UBE4B: variants seen among roughly 807,000 people sequenced by gnomAD.
The protein encoded by UBE4B is ubiquitin conjugation factor E4 B.
In UBE4B, 27 loss-of-function variants were observed where a neutral mutation model predicts 148.1. The observed-to-expected ratio is 0.18, with a 90% CI of 0.13 to 0.25. The LOEUF (loss-of-function observed/expected upper bound fraction) is 0.25. UBE4B is among the 10% of genes least tolerant of loss of function. The pLI is 1.00. For missense variants in UBE4B, 1,170 were observed against 1,662.4 expected, an observed-to-expected ratio of 0.70 and a Z score of 5.15; for synonymous variants, 596 against 619.3, an observed-to-expected ratio of 0.96 and a Z score of 0.56.
chr1:10,038,097 A>G (rs1309008376), intron 1 of UBE4B, among the ~76,000 whole-genome samples: 4 of 151,904 alleles, frequency 2.6e-5, no homozygotes, highest in African/African-American at 4.8e-5. Flanking sequence ...CCTGTCCAAC[A>G]TGGAGAAACC....
chr1:10,081,918 T>C (rs1644689396), intron 2 of UBE4B, among the ~76,000 whole-genome samples: 1 of 152,184 alleles, frequency 6.6e-6, no homozygotes, highest in African/African-American at 2.4e-5. Context: ...TCTCACTATG[T>C]TACCCAGTTT....
At chr1:10,081,903 C>G (rs1644688505) in intron 2 of UBE4B, among the ~76,000 whole-genome samples, 1 of 152,152 alleles carries the variant, frequency 6.6e-6, no homozygotes, top group South Asian at 2.1e-4. Flanking sequence ...TTTGTGCAGA[C>G]AAGTTCTCAC....
At chr1:10,044,846 G>A (rs147093440) in intron 1 of UBE4B, among the ~76,000 whole-genome samples, 1 of 152,144 alleles carries the variant, frequency 6.6e-6, no homozygotes, top group African/African-American at 2.4e-5. Context: ...GCCTCTCAAA[G>A]TGCTGGGATT....
At position 10,132,486 on chromosome 1, in the gene UBE4B, G is replaced by A. The variant is rs372475006; in HGVS notation, c.2025+4G>A. On this transcript the variant is annotated splice_donor_region_variant and intron_variant, in intron 15 of 27. Transcript: ENST00000343090. ...TATGAAGAAAGCACAGATGCAGGTAGGATTCCTACAGACTGCTTTTCGCTG... is the reference window on the plus strand; with the variant it reads ...TATGAAGAAAGCACAGATGCAGGTAAGATTCCTACAGACTGCTTTTCGCTG... 1.2e-5 allele frequency: 20 copies of A among 1,612,374 alleles called. No homozygotes were observed. Among genetic ancestry groups the A allele is most frequent in the Middle Eastern group, 1.6e-4 (1 of 6,078 alleles).
At chr1:10,050,715 C>T (rs1188969476) in intron 1 of UBE4B, among the ~76,000 whole-genome samples, 1 of 151,150 alleles carries the variant, frequency 6.6e-6, no homozygotes, top group Non-Finnish European at 1.5e-5. Flanking sequence ...TTTCAGGACT[C>T]CTATTCTTTT....
chr1:10,172,693 AG>A (rs1353521620), intron 25 of UBE4B, among the ~76,000 whole-genome samples: 1 of 152,196 alleles, frequency 6.6e-6, no homozygotes, highest in Non-Finnish European at 1.5e-5. Context: ...GAAGCATTGT[AG>A]GTACTTTTTT....
At chr1:10,145,084 A>G (rs777585003) in intron 18 of UBE4B, 45 bp downstream of exon 18, 2 of 1,495,624 alleles carry the variant, frequency 1.3e-6, no homozygotes, top group Non-Finnish European at 1.8e-6. Flanking sequence ...CCTCATAGTG[A>G]TAATTTTCCC....
chr1:10,082,106 A>T (rs895447891), intron 2 of UBE4B, among the ~76,000 whole-genome samples: 2 of 152,046 alleles, frequency 1.3e-5, no homozygotes, highest in African/African-American at 4.8e-5. Context: ...GAATGCTCTA[A>T]ATTCACGTAG....
chr1:10,073,680 A>G (rs1270410784), intron 2 of UBE4B, among the ~76,000 whole-genome samples: 15 of 152,114 alleles, frequency 9.9e-5, no homozygotes, highest in Admixed American at 9.8e-4. Flanking sequence ...AGATTGCGCT[A>G]CTGCACTCCA....
intron 14 of UBE4B, among the ~76,000 whole-genome samples, chr1:10,131,297 C>T (rs952568398): frequency 2.6e-5 from 4 of 151,732 alleles, no homozygotes; most frequent in African/African-American, 9.7e-5. Context: ...GCCAACATGA[C>T]GAAACCCCGT....
chr1:10,065,578 G>A (rs72861412), intron 1 of UBE4B, among the ~76,000 whole-genome samples: 5,928 of 152,282 alleles, frequency 0.039, 171 homozygotes, highest in African/African-American at 0.081. Context: ...CCAGTGTGGA[G>A]TTTGCTCTGC....
At chr1:10,058,025 C>G (rs923957878) in intron 1 of UBE4B, among the ~76,000 whole-genome samples, 3 of 152,084 alleles carry the variant, frequency 2.0e-5, no homozygotes, top group Admixed American at 1.3e-4. Flanking sequence ...GTAAAAGGGT[C>G]TCTGTTACAA....
At chr1:10,036,034 G>A (rs1016328795) in intron 1 of UBE4B, among the ~76,000 whole-genome samples, 10 of 150,836 alleles carry the variant, frequency 6.6e-5, no homozygotes, top group Non-Finnish European at 1.0e-4. Flanking sequence ...GTGAGCCACC[G>A]CGCCCGGCCG....
chr1:10,144,364 A>G (rs1368581575), intron 17 of UBE4B, among the ~76,000 whole-genome samples: 4 of 152,222 alleles, frequency 2.6e-5, no homozygotes, highest in Non-Finnish European at 5.9e-5. Context: ...CTTTCTTGCA[A>G]CAAAAAAGAT....
At chr1:10,177,354 T>C (rs1646443315) in intron 25 of UBE4B, among the ~76,000 whole-genome samples, 1 of 151,910 alleles carries the variant, frequency 6.6e-6, no homozygotes, top group African/African-American at 2.4e-5. Flanking sequence ...ACCCTGTCTC[T>C]ACTAAAAATA....
chr1:10,035,314 T>A (rs4845929), intron 1 of UBE4B, among the ~76,000 whole-genome samples: 10 of 151,236 alleles, frequency 6.6e-5, no homozygotes, highest in Admixed American at 4.0e-4. Flanking sequence ...TGTGGTTTTT[T>A]AAAAGTTTCT....
intron 1 of UBE4B, chr1:10,054,576 A>C: frequency 3.4e-6 from 1 of 295,286 alleles, no homozygotes; most frequent in South Asian, 3.7e-5. Flanking sequence ...GAGTTTTAGG[A>C]AATGATGCTG....
intron 21 of UBE4B, among the ~76,000 whole-genome samples, chr1:10,152,232 C>A (rs1414165484): frequency 6.6e-6 from 1 of 150,538 alleles, no homozygotes; most frequent in Non-Finnish European, 1.5e-5. Flanking sequence ...GTATTCCAGC[C>A]TGGGCAAGAG....
intron 21 of UBE4B, among the ~76,000 whole-genome samples, chr1:10,153,810 A>G (rs1646020581): frequency 6.6e-6 from 1 of 152,000 alleles, no homozygotes; most frequent in South Asian, 2.1e-4. Flanking sequence ...TAGGCCTGGC[A>G]CAGTGGCTCA....
Sources: gnomAD v4.1 joint callset for allele counts (sites outside exome capture counted in the v4.1 genomes callset) on GRCh38, gnomAD v4.1.1 for gene constraint, MANE v1.5 for transcripts, NCBI Gene and HGNC (gene_info 2026-07-23, HGNC 2026-07-21) for gene names.